DOCK4: variants seen among roughly 807,000 people sequenced by gnomAD.
DOCK4 encodes the protein dedicator of cytokinesis 4, also known as dedicator of cytokinesis protein 4.
DOCK4 carries 97 observed loss-of-function variants against 268.1 expected under a neutral mutation model. The ratio of observed to expected loss-of-function variants is 0.36; its 90% CI spans 0.31 to 0.43. The LOEUF (loss-of-function observed/expected upper bound fraction) is 0.43, where lower values mean the gene tolerates loss of function less well. Ranked by LOEUF, DOCK4 falls within the 20% of genes least tolerant of loss-of-function variation. DOCK4 has a pLI of 1.00. For missense variants in DOCK4, 2,145 were observed against 2,455.7 expected (o/e 0.87, Z 2.67); for synonymous variants, 954 against 887.2 (o/e 1.08, Z -1.34).
intron 23 of DOCK4, among the ~76,000 whole-genome samples, chr7:111,862,622 A>T (rs1186239031): frequency 2.0e-5 from 3 of 149,586 alleles, no homozygotes; most frequent in African/African-American, 7.4e-5. Context: ...TCCCGAGTAG[A>T]TGGGATTACA....
chr7:112,013,799 CT>C (rs1226344722), intron 1 of DOCK4, among the ~76,000 whole-genome samples: 1 of 145,164 alleles, frequency 6.9e-6, no homozygotes, highest in Non-Finnish European at 1.5e-5. Flanking sequence ...TGTACCCTAA[CT>C]CCACTGCACC....
intron 1 of DOCK4, among the ~76,000 whole-genome samples, chr7:112,169,994 T>G (rs1208159857): frequency 4.6e-5 from 7 of 152,152 alleles, no homozygotes; most frequent in African/African-American, 1.7e-4. Flanking sequence ...TTCCAGATTT[T>G]TACACAACCC....
intron 1 of DOCK4, among the ~76,000 whole-genome samples, chr7:112,038,692 C>G (rs931721096): frequency 6.6e-6 from 1 of 151,924 alleles, no homozygotes; most frequent in Non-Finnish European, 1.5e-5. Context: ...TCCAAGTGAC[C>G]AAAGTAACAA....
chr7:111,953,431 T>C (rs1431904669), intron 8 of DOCK4, among the ~76,000 whole-genome samples: 2 of 152,148 alleles, frequency 1.3e-5, no homozygotes, highest in South Asian at 2.1e-4. Flanking sequence ...GTGATCTGAA[T>C]TGTTTCTATT....
chr7:111,731,490 A>C (rs1294522138), intron 52 of DOCK4, among the ~76,000 whole-genome samples: 1 of 152,174 alleles, frequency 6.6e-6, no homozygotes, highest in African/African-American at 2.4e-5. Context: ...AGCAGTTCTG[A>C]ACACCAATCT....
Position 111,994,251 on chromosome 7 carries a change from A to C in DOCK4, c.219-20T>G. On this transcript the variant is annotated intron_variant, in intron 4 of 52. Transcript: ENST00000428084. ...AATTGTCTGTGAAATTAAAAAAGAA[A>C]AAGTATATATGTAAATACCATAGAC... 6.7e-7 allele frequency: 1 copy of C among 1,496,950 alleles called. No homozygotes were observed. Among genetic ancestry groups the C allele is most frequent in the South Asian group, 1.2e-5 (1 of 83,100 alleles). The allele number at this position is 1,496,950 out of a possible 1,614,324, so 92.7% of individuals were successfully genotyped here.
At chr7:111,998,358 T>G (rs1211960163) in intron 4 of DOCK4, 90 bp downstream of exon 4, 3 of 1,049,864 alleles carry the variant, frequency 2.9e-6, no homozygotes, top group Non-Finnish European at 4.1e-6. Context: ...TACAGTTCAT[T>G]TTTCAAGACA....
Position 111,784,241 on chromosome 7 carries a change from A to AT in DOCK4, c.3402-119dup. On this transcript the variant is annotated intron_variant, in intron 32 of 52. Transcript: ENST00000428084. ...TACAAGCATCTCACAGCTCAAAGAC[A>AT]TTTTTTCCTAGCTTCTCCCTTACAC... is the stretch of plus-strand genomic sequence containing the variant. 5.0e-6 allele frequency: 6 copies of AT among 1,189,094 alleles called. No individual in the cohort carries two copies. In the South Asian group the frequency reaches 5.2e-5, roughly 10 times the overall value. The allele number at this position is 1,189,094 out of a possible 1,614,324, so 73.7% of individuals were successfully genotyped here. A position where few individuals can be genotyped will look rare whatever the true frequency, so the allele number is the denominator to read the frequency against.
chr7:112,113,410 G>A (rs1811844630), intron 1 of DOCK4, among the ~76,000 whole-genome samples: 1 of 151,876 alleles, frequency 6.6e-6, no homozygotes, highest in Admixed American at 6.6e-5. Context: ...TTTTTTAAAG[G>A]GAAATTATGA....
intron 37 of DOCK4, among the ~76,000 whole-genome samples, chr7:111,768,506 G>C (rs985955190): frequency 3.3e-5 from 5 of 152,272 alleles, no homozygotes; most frequent in African/African-American, 1.2e-4. Context: ...TTGCAATCTG[G>C]AAGATAAATT....
At chr7:111,846,469 C>T (rs756382351) in intron 24 of DOCK4, among the ~76,000 whole-genome samples, 1 of 151,334 alleles carries the variant, frequency 6.6e-6, no homozygotes. Flanking sequence ...GAGTCAGGCA[C>T]GTTGATAGGA....
At chr7:111,792,220 C>T (rs1799597202) in intron 30 of DOCK4, among the ~76,000 whole-genome samples, 1 of 152,224 alleles carries the variant, frequency 6.6e-6, no homozygotes, top group Non-Finnish European at 1.5e-5. Flanking sequence ...TAACCTTCAG[C>T]ATCATGGCTG....
At chr7:111,759,259 T>C (rs564264706) in intron 40 of DOCK4, among the ~76,000 whole-genome samples, 2 of 152,220 alleles carry the variant, frequency 1.3e-5, no homozygotes, top group Non-Finnish European at 2.9e-5. Flanking sequence ...ACTAGAACAC[T>C]GACGATGACT....
At chr7:112,063,158 A>T (rs1806589736) in intron 1 of DOCK4, among the ~76,000 whole-genome samples, 1 of 152,194 alleles carries the variant, frequency 6.6e-6, no homozygotes. Context: ...CATCTCCAAT[A>T]TCTTGCTTTC....
intron 8 of DOCK4, among the ~76,000 whole-genome samples, chr7:111,972,891 A>G (rs1344120111): frequency 6.6e-6 from 1 of 151,594 alleles, no homozygotes; most frequent in Non-Finnish European, 1.5e-5. Context: ...TGCACCCATC[A>G]CCTGAGCAGT....
chr7:111,769,493 C>T lies in DOCK4; in HGVS notation c.3828+36G>A, dbSNP rs1476671389. 3 of 1,611,800 alleles carry T rather than the reference C, an allele frequency of 1.9e-6. No individual in the cohort carries two copies. In the South Asian group the frequency reaches 3.3e-5, roughly 18 times the overall value. On this transcript the variant is annotated intron_variant, in intron 37 of 52. Coordinates refer to ENST00000428084, the MANE Select transcript of DOCK4 (RefSeq NM_001363540.2). The stretch of plus-strand genomic sequence containing the variant: ...GGGAAAGGGACATCAACACCATCAC[C>T]CCAGGAGGGACCCCGGGCGGGGCAG...
rs187505144 is a variant in DOCK4 at position 111,912,753 on chromosome 7, C to T, written c.1192+3026G>A. ...TAGATAGGTATAGACAGAACCAAGGCTTGTTGAAGATAACCCCAGCTGGTC... is the reference window on the plus strand; with the variant it reads ...TAGATAGGTATAGACAGAACCAAGGTTTGTTGAAGATAACCCCAGCTGGTC... On this transcript the variant is annotated intron_variant, in intron 13 of 52. Coordinates refer to ENST00000428084, the MANE Select transcript of DOCK4 (RefSeq NM_001363540.2). Among the ~76,000 whole-genome samples the T allele has an allele frequency of 5.5e-4, 83 of 152,178 alleles. 1 individual carries two copies. Among genetic ancestry groups the T allele is most frequent in the African/African-American group, 1.9e-3 (80 of 41,546 alleles).
At position 111,898,845 on chromosome 7, in the gene DOCK4, C is replaced by G. The variant is rs531850051; in HGVS notation, c.1480+1529G>C. On this transcript the variant is annotated intron_variant, in intron 15 of 52. Coordinates refer to ENST00000428084, the MANE Select transcript of DOCK4 (RefSeq NM_001363540.2). ...GTACAGGGACAAGAAGGTAGAGATC[C>G]AATAGATTTTACTGAAAATAGCCTT... is the stretch of plus-strand genomic sequence containing the variant. Among the ~76,000 whole-genome samples the G allele has an allele frequency of 3.3e-5, 5 of 152,168 alleles. 1 individual carries two copies. The South Asian group carries it at 1.0e-3, about 32-fold the overall frequency.
At chr7:112,166,498 T>A (rs890598791) in intron 1 of DOCK4, among the ~76,000 whole-genome samples, 3 of 152,212 alleles carry the variant, frequency 2.0e-5, no homozygotes, top group Non-Finnish European at 2.9e-5. Flanking sequence ...TTGGAAGACT[T>A]ACACATTTAC....
Sources: gnomAD v4.1 joint callset for allele counts (sites outside exome capture counted in the v4.1 genomes callset) on GRCh38, gnomAD v4.1.1 for gene constraint, MANE v1.5 for transcripts, NCBI Gene and HGNC (gene_info 2026-07-23, HGNC 2026-07-21) for gene names.